Variants in CREBBP observed in about 807,000 individuals in gnomAD.
CREBBP encodes CREB binding lysine acetyltransferase, also known as CREB-binding protein.
Under a neutral mutation model 265.0 loss-of-function variants are expected in CREBBP, and 19 were observed. That is an observed-to-expected ratio of 0.07 (90% CI 0.05 to 0.11). CREBBP has a LOEUF of 0.11. Among genes scored for constraint, CREBBP ranks in the 10% least tolerant of loss-of-function variants. CREBBP has a pLI of 1.00. For missense variants in CREBBP, 2,525 were observed against 3,219.0 expected, an observed-to-expected ratio of 0.78 and a Z score of 5.22; for synonymous variants, 1,457 against 1,223.7, an observed-to-expected ratio of 1.19 and a Z score of -3.98.
rs761769714 is a variant in CREBBP, at chr16:3,879,967, G to C, written c.-51C>G. The stretch of plus-strand genomic sequence containing the variant: ...CGGGCACGGGCGGCCGGGCCGGCGA[G>C]GGCCCGGACGGGGGTCGGGGGCCCT... On this transcript the variant is annotated 5_prime_UTR_variant, in exon 1 of 31. Transcript: ENST00000262367. 11 of 1,547,914 alleles carry C rather than the reference G, an allele frequency of 7.1e-6. No homozygotes were observed. Among genetic ancestry groups the C allele is most frequent in the Non-Finnish European group, 9.7e-6 (11 of 1,137,858 alleles).
At chr16:3,863,788 C>T (rs1290755293) in intron 1 of CREBBP, among the ~76,000 whole-genome samples, 1 of 152,204 alleles carries the variant, frequency 6.6e-6, no homozygotes, top group Non-Finnish European at 1.5e-5. Flanking sequence ...TTGCGTGCTG[C>T]TTCCCTCAGC....
At chr16:3,832,964 T>C (rs139857645) in intron 2 of CREBBP, among the ~76,000 whole-genome samples, 3 of 152,216 alleles carry the variant, frequency 2.0e-5, no homozygotes, top group African/African-American at 7.2e-5. Flanking sequence ...TAATCGCTTA[T>C]GATCAAAAGA....
intron 2 of CREBBP, among the ~76,000 whole-genome samples, chr16:3,849,700 C>T (rs1173058989): frequency 2.6e-5 from 4 of 151,456 alleles, no homozygotes; most frequent in African/African-American, 7.3e-5. Flanking sequence ...AAGCCCAGGC[C>T]CCACGCCGAG....
intron 2 of CREBBP, among the ~76,000 whole-genome samples, chr16:3,841,337 T>C (rs376853189): frequency 3.3e-5 from 5 of 151,892 alleles, no homozygotes; most frequent in African/African-American, 1.2e-4. Context: ...GCAAAGTCAC[T>C]TGTGGGTAAA....
Position 3,731,977 on chromosome 16 carries a change from C to T in CREBBP, c.4729-40G>A. 6.2e-7 allele frequency: 1 copy of T among 1,613,956 alleles called. No homozygotes were observed. Among genetic ancestry groups the T allele is most frequent in the Non-Finnish European group, 8.5e-7 (1 of 1,180,034 alleles). Reference sequence around the variant, plus strand: ...AAGGCTGTGAGACCAGGCAAGTGCCCCTCCACACTTGGCACGGACGCCCAG... The same window carrying T: ...AAGGCTGTGAGACCAGGCAAGTGCCTCTCCACACTTGGCACGGACGCCCAG... On this transcript the variant is annotated intron_variant, in intron 28 of 30. Transcript: ENST00000262367. The surrounding 1 kb of genome is among the most constrained non-coding windows in gnomAD (Gnocchi z 7.7).
At chr16:3,831,842 C>A (rs528096984) in intron 2 of CREBBP, among the ~76,000 whole-genome samples, 2 of 151,942 alleles carry the variant, frequency 1.3e-5, no homozygotes, top group South Asian at 4.2e-4. Context: ...ACTAAAAATA[C>A]GAAACTTAGC....
chr16:3,741,056 G>GT (rs1440843093), intron 23 of CREBBP: 3 of 227,180 alleles, frequency 1.3e-5, no homozygotes, highest in Non-Finnish European at 2.6e-5. Context: ...CAAAGTATTG[G>GT]TGTCCAAGCC....
At chr16:3,853,541 C>A (rs1282911835) in intron 1 of CREBBP, among the ~76,000 whole-genome samples, 1 of 151,750 alleles carries the variant, frequency 6.6e-6, no homozygotes, top group African/African-American at 2.4e-5. Flanking sequence ...ACCCAGGAGG[C>A]AGAGCTTGCA....
At chr16:3,878,836 G>C (rs1012190577) in intron 1 of CREBBP, among the ~76,000 whole-genome samples, 19 of 152,290 alleles carry the variant, frequency 1.2e-4, no homozygotes, top group African/African-American at 4.3e-4. Context: ...AATACAACTA[G>C]TTCATGTTAC....
chr16:3,845,159 CA>C (rs2054639829), intron 2 of CREBBP, among the ~76,000 whole-genome samples: 1 of 152,302 alleles, frequency 6.6e-6, no homozygotes, highest in African/African-American at 2.4e-5. Flanking sequence ...TGAGGAACTA[CA>C]CACTATACGA....
At chr16:3,799,880 T>C (rs1396961232) in intron 3 of CREBBP, among the ~76,000 whole-genome samples, 2 of 152,248 alleles carry the variant, frequency 1.3e-5, no homozygotes, top group African/African-American at 4.8e-5. Context: ...CAGACCTTTA[T>C]GCTTTAACAA....
At chr16:3,811,787 C>T (rs544632437) in intron 2 of CREBBP, among the ~76,000 whole-genome samples, 121 of 152,292 alleles carry the variant, frequency 7.9e-4, no homozygotes, top group African/African-American at 2.7e-3. Flanking sequence ...AGCCACCGTG[C>T]CCGGCCCCTT....
At chr16:3,862,810 G>A (rs138066327) in intron 1 of CREBBP, among the ~76,000 whole-genome samples, 120 of 152,234 alleles carry the variant, frequency 7.9e-4, no homozygotes, top group African/African-American at 2.6e-3. Flanking sequence ...GCTGTCTTCC[G>A]TCCCTGCCTC....
intron 5 of CREBBP, among the ~76,000 whole-genome samples, chr16:3,788,164 G>A (rs983322538): frequency 1.3e-5 from 2 of 152,128 alleles, no homozygotes. Flanking sequence ...AGTCCCTGGG[G>A]GACTCTAGGT....
intron 24 of CREBBP, among the ~76,000 whole-genome samples, chr16:3,740,160 A>C (rs574009754): frequency 2.0e-5 from 3 of 152,226 alleles, no homozygotes; most frequent in Non-Finnish European, 4.4e-5. Context: ...AAATAAGAAA[A>C]TTATAAACAG....
At chr16:3,867,882 A>C (rs2526689) in intron 1 of CREBBP, among the ~76,000 whole-genome samples, 40,644 of 151,992 alleles carry the variant, frequency 0.27, 6,316 homozygotes, top group East Asian at 0.59. Context: ...GCTGTGATCA[A>C]ATAAATGCAC....
At chr16:3,854,818 C>T (rs938520306) in intron 1 of CREBBP, among the ~76,000 whole-genome samples, 2 of 152,238 alleles carry the variant, frequency 1.3e-5, no homozygotes, top group African/African-American at 4.8e-5. Flanking sequence ...TAGAAAACCA[C>T]GTCTAACACA....
Position 3,852,153 on chromosome 16 carries a change from A to ATTTTT in CREBBP, c.86-1145_86-1144insAAAAA, listed in dbSNP as rs1279166656. Among the ~76,000 whole-genome samples, 3 of 105,834 alleles carry ATTTTT rather than the reference A, an allele frequency of 2.8e-5. 1 individual carries two copies. Among genetic ancestry groups the ATTTTT allele is most frequent in the African/African-American group, 1.1e-4 (3 of 27,404 alleles). 69.4% of individuals were successfully genotyped at this position (105,834 alleles called of 152,430 possible). On this transcript the variant is annotated intron_variant, in intron 1 of 30. Transcript: ENST00000262367. ...TTGAGGACAGTAAAGCCAATCTTAA[A>ATTTTT]TTTGTTTTTTTTTTTTTTTTTTTTT... is the stretch of plus-strand genomic sequence containing the variant.
In CREBBP at chr16:3,749,656, C is replaced by T. The variant is rs775774642; in HGVS notation, c.3807G>A (p.Lys1269=). ...CGGGGTCTAAGGTATCATTTTTCTTCTTTTCAAACTGATCCTTTGAAATTG... is the reference window on the plus strand; with the variant it reads ...CGGGGTCTAAGGTATCATTTTTCTTTTTTTCAAACTGATCCTTTGAAATTG... ...QTTISKDQFE[K]KKNDTLDPEP... is the part of the protein sequence containing the mutation. Residue 1269 remains lysine (K), a synonymous_variant, in exon 21 of 31, where the codon AAG becomes AAA. Coordinates refer to ENST00000262367, the MANE Select transcript of CREBBP (RefSeq NM_004380.3). 6.2e-7 allele frequency: 1 copy of T among 1,604,464 alleles called. No homozygotes were observed. Among genetic ancestry groups the T allele is most frequent in the South Asian group, 1.1e-5 (1 of 90,518 alleles).
Sources: allele counts gnomAD v4.1 joint callset (sites outside exome capture counted in the v4.1 genomes callset), GRCh38; gene constraint gnomAD v4.1.1; non-coding constraint Gnocchi (gnomAD v3.1); transcripts MANE v1.5; gene names NCBI Gene and HGNC (gene_info 2026-07-23, HGNC 2026-07-21).